C1orf159: variants seen among roughly 807,000 people sequenced by gnomAD.
The protein encoded by C1orf159 is chromosome 1 open reading frame 159.
C1orf159 carries 19 observed loss-of-function variants against 25.6 expected under a neutral mutation model. The observed-to-expected ratio is 0.74, with a 90% CI of 0.52 to 1.09. The LOEUF is 1.09. Ranked by LOEUF, C1orf159 falls within the 50% of genes least tolerant of loss-of-function variation. The pLI is 0.00. For synonymous variants in C1orf159, 139 were observed against 124.7 expected (o/e 1.12, Z -0.77); for missense variants, 274 against 290.6 (o/e 0.94, Z 0.42).
At chr1:1,084,201 G>A in intron 9 of C1orf159, 152 bp downstream of exon 9, 1 of 1,522,790 alleles carries the variant, frequency 6.6e-7, no homozygotes. Context: ...TCCGGCCCTG[G>A]CCCTGCCTTG....
chr1:1,087,175 T>C lies in C1orf159; in HGVS notation c.274A>G (p.Asn92Asp), dbSNP rs1645844902. 6.2e-7 allele frequency: 1 copy of C among 1,610,296 alleles called. No individual in the cohort carries two copies. Among genetic ancestry groups the C allele is most frequent in the Non-Finnish European group, 8.5e-7 (1 of 1,179,398 alleles). ...CGCCCGGGGGTCCCTGAGCTTCTGT[T>C]CATGGGGAATGGCGCACCCGGGCCA... Reference protein sequence around the residue: ...FAGPGAPFPMNRSSGTPGRPH... With the variant: ...FAGPGAPFPMDRSSGTPGRPH... The change falls in exon 6 of 10, where the codon AAC becomes GAC. Residue 92 changes from asparagine to aspartate, a missense_variant. By Grantham distance (23) the Asn-to-Asp change is conservative. Coordinates refer to ENST00000421241, the MANE Select transcript of C1orf159 (RefSeq NM_017891.5). This position sits in a 1 kb window ranked among gnomAD's most constrained non-coding sequence, Gnocchi z 8.3.
chr1:1,105,739 G>GGT (rs1553127820), intron 1 of C1orf159, among the ~76,000 whole-genome samples: 19 of 151,502 alleles, frequency 1.3e-4, no homozygotes, highest in Admixed American at 1.1e-3. Flanking sequence ...AAAATTAGCT[G>GGT]GGCGGGCGCC....
chr1:1,086,632 G>A (rs1162518250), intron 6 of C1orf159, among the ~76,000 whole-genome samples: 2 of 152,262 alleles, frequency 1.3e-5, no homozygotes, highest in African/African-American at 4.8e-5. Context: ...GCCACAGGAG[G>A]CCAGGAGCCC....
chr1:1,085,416 G>A, intron 7 of C1orf159: 3 of 305,582 alleles, frequency 9.8e-6, no homozygotes, highest in Non-Finnish European at 2.0e-5. Flanking sequence ...TCAGTGCCCA[G>A]GCCCGGGGTG....
At chr1:1,114,661 T>C (rs528309512) in intron 1 of C1orf159, among the ~76,000 whole-genome samples, 3 of 152,222 alleles carry the variant, frequency 2.0e-5, no homozygotes, top group Admixed American at 6.5e-5. Context: ...AACATGTATG[T>C]TAAAAACAAC....
Position 1,091,465 on chromosome 1 carries a change from C to A in C1orf159, c.72+7G>T. 1.3e-6 allele frequency: 2 copies of A among 1,550,188 alleles called. No individual in the cohort carries two copies. The highest frequency in any genetic ancestry group is 1.7e-6 in the Non-Finnish European group (2 of 1,146,728). The stretch of plus-strand genomic sequence containing the variant: ...AGGCCGCGTGGACACGTGAGGGGGG[C>A]ACCTACCGTGTTCTCCATGGACTTG... On this transcript the variant is annotated splice_region_variant and intron_variant, in intron 3 of 9. Coordinates refer to ENST00000421241, the MANE Select transcript of C1orf159 (RefSeq NM_017891.5).
At chr1:1,101,126 G>A in intron 1 of C1orf159, among the ~76,000 whole-genome samples, 1 of 152,096 alleles carries the variant, frequency 6.6e-6, no homozygotes, top group East Asian at 1.9e-4. Flanking sequence ...TATTCTTAGA[G>A]AATACAGAAT....
rs1645910338 is a variant in C1orf159 at position 1,090,444 on chromosome 1, C to T, written c.73-16G>A. 1 of 1,550,152 alleles carries T rather than the reference C, an allele frequency of 6.5e-7. No individual in the cohort carries two copies. The highest frequency in any genetic ancestry group is 8.7e-7 in the Non-Finnish European group (1 of 1,146,836). Reference sequence around the variant, plus strand: ...GCAGCTGGGCCTGGAGGGGACACGGCAGTGAAACTCCAGGACGCGCCTGCC... The same window carrying T: ...GCAGCTGGGCCTGGAGGGGACACGGTAGTGAAACTCCAGGACGCGCCTGCC... On this transcript the variant is annotated splice_polypyrimidine_tract_variant and intron_variant, in intron 3 of 9. Transcript: ENST00000421241.
chr1:1,083,209 C>G (rs1398198104), intron 9 of C1orf159: 1 of 521,052 alleles, frequency 1.9e-6, no homozygotes, highest in Non-Finnish European at 3.4e-6. Flanking sequence ...GCTGTGTCCT[C>G]TCATTTACAC....
intron 1 of C1orf159, among the ~76,000 whole-genome samples, chr1:1,100,520 T>C (rs776623038): frequency 1.7e-4 from 26 of 152,142 alleles, no homozygotes; most frequent in African/African-American, 2.4e-4. Context: ...AAGTCCATGG[T>C]TGACACGAGG....
At chr1:1,091,212 T>C (rs1274525095) in intron 3 of C1orf159, 2 of 614,770 alleles carry the variant, frequency 3.3e-6, no homozygotes, top group Admixed American at 2.9e-5. Context: ...GGTGCTCCCA[T>C]TGCGGGCCAG....
intron 1 of C1orf159, among the ~76,000 whole-genome samples, chr1:1,108,224 CCAT>C (rs1341055274): frequency 7.6e-6 from 1 of 131,780 alleles, no homozygotes; most frequent in Non-Finnish European, 1.6e-5. Context: ...ACCACAGCCA[CCAT>C]GTCTCAGCAG....
In C1orf159 at chr1:1,082,984, C is replaced by T. The variant is rs139658850; in HGVS notation, c.506G>A (p.Arg169Gln). 1.5e-4 allele frequency: 235 copies of T among 1,594,168 alleles called. No individual in the cohort carries two copies. In the East Asian group the frequency reaches 3.2e-3, roughly 22 times the overall value. The change falls in exon 10 of 10, where the codon CGG becomes CAG. Residue 169 changes from arginine (R) to glutamine (Q), a missense_variant. Arg to Gln is a conservative substitution (Grantham distance 43). Transcript: ENST00000421241. ...AMIPPPQSSV[R>Q]KPRYVRRERP... ...CTCCCGCCTGACGTAGCGCGGCTTC[C>T]GTACTGAAACGGGTCAGAGACAGGC...
Position 1,094,128 on chromosome 1 carries a change from C to T in C1orf159, c.-135-2025G>A, listed in dbSNP as rs1645978692. 4.0e-5 allele frequency among the ~76,000 whole-genome samples: 6 copies of T among 151,168 alleles called. No homozygotes were observed. In the South Asian group the frequency reaches 1.3e-3, roughly 32 times the overall value. The stretch of plus-strand genomic sequence containing the variant: ...GGCAGGGGTGGGGGGCATAGGGTTT[C>T]ACTCTGTTGCCCAGGCTGGAGTGCA... On this transcript the variant is annotated intron_variant, in intron 1 of 9. Transcript: ENST00000421241.
chr1:1,091,407 A>G, intron 3 of C1orf159, 65 bp downstream of exon 3: 2 of 1,371,742 alleles, frequency 1.5e-6, no homozygotes, highest in South Asian at 2.5e-5. Flanking sequence ...CTCTAGGGGA[A>G]GGGCCCACCG....
At chr1:1,091,844 G>A (rs901898892) in intron 2 of C1orf159, 147 bp downstream of exon 2, 20 of 500,594 alleles carry the variant, frequency 4.0e-5, no homozygotes, top group Non-Finnish European at 7.2e-5. Flanking sequence ...CGCGGCAGAT[G>A]ACTGAGTTAA....
intron 1 of C1orf159, among the ~76,000 whole-genome samples, chr1:1,107,149 G>A (rs995340679): frequency 1.1e-4 from 17 of 152,254 alleles, no homozygotes; most frequent in Admixed American, 5.2e-4. Flanking sequence ...GGAGTGTAGC[G>A]CACGGCACTG....
At chr1:1,091,682 A>C (rs1008134434) in intron 2 of C1orf159, 117 bp from the exon 3 acceptor site, 21 of 418,678 alleles carry the variant, frequency 5.0e-5, no homozygotes, top group Non-Finnish European at 4.8e-5. Flanking sequence ...CAAGGCAAGG[A>C]GGGCAGAGCC....
chr1:1,091,163 T>C, intron 3 of C1orf159: 1 of 621,140 alleles, frequency 1.6e-6, no homozygotes, highest in East Asian at 2.7e-5. Context: ...CACTCCCCGA[T>C]AGCGATGCGC....
Sources: allele counts gnomAD v4.1 joint callset (sites outside exome capture counted in the v4.1 genomes callset), GRCh38; gene constraint gnomAD v4.1.1; non-coding constraint Gnocchi (gnomAD v3.1); transcripts MANE v1.5; gene names NCBI Gene and HGNC (gene_info 2026-07-23, HGNC 2026-07-21).